The following ADAM10 variants were observed in gnomAD, a reference collection of about 807,000 sequenced individuals.
ADAM10 encodes the protein disintegrin and metalloproteinase domain-containing protein 10.
A neutral mutation model predicts 90.1 loss-of-function variants in ADAM10; 17 were observed. That is an observed-to-expected ratio of 0.19 (90% confidence interval 0.13 to 0.28). ADAM10 has a LOEUF of 0.28. ADAM10 is among the 10% of genes least tolerant of loss of function. ADAM10 has a pLI of 1.00. For synonymous variants in ADAM10, 310 were observed against 298.6 expected (o/e 1.04, Z -0.40); for missense variants, 610 against 914.3 (o/e 0.67, Z 4.29).
At position 58,713,860 on chromosome 15, in the gene ADAM10, T is replaced by C. The variant is rs563879474; in HGVS notation, c.206+3717A>G. Among the ~76,000 whole-genome samples the C allele has an allele frequency of 2.6e-5, 4 of 152,054 alleles. No homozygotes were observed. In the East Asian group the frequency reaches 7.7e-4, roughly 29 times the overall value. On this transcript the variant is annotated intron_variant, in intron 2 of 15. Coordinates refer to ENST00000260408, the MANE Select transcript of ADAM10 (RefSeq NM_001110.4). The stretch of plus-strand genomic sequence containing the variant: ...ATGAAGTCTTGCTCTGTCGCCAGGC[T>C]GGACTGCAGTGGCGTGATCTCGGCT...
chr15:58,620,500 T>C (rs1327566076), intron 11 of ADAM10, among the ~76,000 whole-genome samples: 7 of 151,770 alleles, frequency 4.6e-5, no homozygotes, highest in South Asian at 2.1e-4. Context: ...GTGCAAACAA[T>C]TGCTTACACT....
At chr15:58,621,857 C>T (rs536601206) in intron 10 of ADAM10, among the ~76,000 whole-genome samples, 1 of 152,204 alleles carries the variant, frequency 6.6e-6, no homozygotes, top group Admixed American at 6.5e-5. Flanking sequence ...GAGGATTTGA[C>T]AGAGGGTCCC....
intron 2 of ADAM10, among the ~76,000 whole-genome samples, chr15:58,702,746 A>T (rs1447047834): frequency 6.6e-6 from 1 of 152,246 alleles, no homozygotes; most frequent in Non-Finnish European, 1.5e-5. Flanking sequence ...TTAAAAATCA[A>T]ATTTAAATCA....
In ADAM10 at chr15:58,599,809, T is replaced by C. The variant is rs1439727715; in HGVS notation, c.2026-85A>G. 9.8e-6 allele frequency: 13 copies of C among 1,331,316 alleles called. No individual in the cohort carries two copies. In the East Asian group the frequency reaches 1.5e-4, roughly 15 times the overall value. The allele number at this position is 1,331,316 out of a possible 1,614,324, so 82.5% of individuals were successfully genotyped here. On this transcript the variant is annotated intron_variant, in intron 14 of 15. Coordinates refer to ENST00000260408, the MANE Select transcript of ADAM10 (RefSeq NM_001110.4). ...CTTTTACAGTATATAAAACATAGAA[T>C]AGAACACAGTATATTGTAATTTTTA...
At chr15:58,605,614 G>C (rs966328223) in intron 14 of ADAM10, among the ~76,000 whole-genome samples, 4 of 152,108 alleles carry the variant, frequency 2.6e-5, no homozygotes, top group Non-Finnish European at 5.9e-5. Flanking sequence ...TGAAAGAAAG[G>C]GGAGCTGTCA....
chr15:58,686,305 C>T, intron 2 of ADAM10: 1 of 594,226 alleles, frequency 1.7e-6, no homozygotes, highest in Non-Finnish European at 3.0e-6. Flanking sequence ...AGAAAAGCCA[C>T]TCCTTGGAAA....
intron 5 of ADAM10, among the ~76,000 whole-genome samples, chr15:58,656,171 C>T (rs1173619043): frequency 2.0e-5 from 3 of 152,068 alleles, no homozygotes; most frequent in African/African-American, 7.2e-5. Flanking sequence ...TATCTTTTTC[C>T]ACCATTTTAT....
At position 58,717,796 on chromosome 15, in the gene ADAM10, T is replaced by C. The variant is rs1595652033; in HGVS notation, c.56-69A>G. Reference sequence around the variant, plus strand: ...ACCCCTTCTAGTTCTAACACGATTATTCAAGTATCTATGAATATGTATGAA... The same window carrying C: ...ACCCCTTCTAGTTCTAACACGATTACTCAAGTATCTATGAATATGTATGAA... On this transcript the variant is annotated intron_variant, in intron 1 of 15. Transcript: ENST00000260408. 4 of 1,559,828 alleles carry C rather than the reference T, an allele frequency of 2.6e-6. No homozygotes were observed. The East Asian group carries it at 9.2e-5, about 36-fold the overall frequency.
chr15:58,689,822 C>T (rs1232322367), intron 2 of ADAM10, among the ~76,000 whole-genome samples: 1 of 151,538 alleles, frequency 6.6e-6, no homozygotes, highest in Non-Finnish European at 1.5e-5. Context: ...GGCCTTTCCA[C>T]AAGAAAAATA....
At chr15:58,639,770 A>G (rs1464869812) in intron 8 of ADAM10, among the ~76,000 whole-genome samples, 2 of 152,182 alleles carry the variant, frequency 1.3e-5, no homozygotes, top group Non-Finnish European at 2.9e-5. Context: ...AAAAAGGAGA[A>G]AGAAATACAA....
At chr15:58,709,696 C>T (rs1898412164) in intron 2 of ADAM10, among the ~76,000 whole-genome samples, 1 of 151,956 alleles carries the variant, frequency 6.6e-6, no homozygotes, top group African/African-American at 2.4e-5. Flanking sequence ...GACAAGATTG[C>T]ACCACTGCAC....
At chr15:58,633,995 T>C (rs949870114) in intron 8 of ADAM10, among the ~76,000 whole-genome samples, 9 of 150,228 alleles carry the variant, frequency 6.0e-5, no homozygotes, top group Admixed American at 5.9e-4. Flanking sequence ...CGACAAAAGG[T>C]TAATAATTGA....
At chr15:58,608,969 C>G (rs1424841550) in intron 14 of ADAM10, among the ~76,000 whole-genome samples, 2 of 151,474 alleles carry the variant, frequency 1.3e-5, no homozygotes, top group Non-Finnish European at 2.9e-5. Flanking sequence ...CTACAGCAGA[C>G]AAGTATACCA....
At chr15:58,666,978 A>G (rs1897094999) in intron 4 of ADAM10, among the ~76,000 whole-genome samples, 1 of 152,162 alleles carries the variant, frequency 6.6e-6, no homozygotes, top group Admixed American at 6.5e-5. Context: ...CACATTAACT[A>G]TAAAAATGGA....
At chr15:58,635,994 T>C (rs1896239892) in intron 8 of ADAM10, among the ~76,000 whole-genome samples, 1 of 152,130 alleles carries the variant, frequency 6.6e-6, no homozygotes. Flanking sequence ...AAGTTTAAAA[T>C]GGCCGGGCGC....
chr15:58,656,908 T>C (rs1199079547), intron 5 of ADAM10, among the ~76,000 whole-genome samples: 5 of 152,232 alleles, frequency 3.3e-5, no homozygotes, highest in African/African-American at 1.2e-4. Context: ...CTGTTTTTGT[T>C]TCTCTGGGAA....
intron 1 of ADAM10, among the ~76,000 whole-genome samples, chr15:58,725,779 GA>G (rs1349222534): frequency 1.4e-4 from 21 of 151,800 alleles, no homozygotes; most frequent in African/African-American, 4.8e-4. Context: ...AGTACTACAA[GA>G]AAAAAAGAAC....
intron 2 of ADAM10, chr15:58,691,316 T>C (rs1397207688): frequency 1.6e-6 from 2 of 1,226,850 alleles, no homozygotes; most frequent in Non-Finnish European, 2.4e-6. Context: ...TCCCATCAAA[T>C]TCCTTGAGCT....
In ADAM10 at chr15:58,599,725, C is replaced by A. The variant is rs1895057302; in HGVS notation, c.2026-1G>T. The A allele has an allele frequency of 6.2e-7, 1 of 1,605,918 alleles. No homozygotes were observed. On this transcript the variant is annotated splice_acceptor_variant, in intron 14 of 15. Transcript: ENST00000260408. LOFTEE classifies it high-confidence loss of function. The stretch of plus-strand genomic sequence containing the variant: ...TAAGTAATACTGCCCACCAATGAGC[C>A]TAGAAATAAACAGATTTTTCCACTG...
Sources: allele counts gnomAD v4.1 joint callset (sites outside exome capture counted in the v4.1 genomes callset), GRCh38; gene constraint gnomAD v4.1.1; transcripts MANE v1.5; gene names NCBI Gene and HGNC (gene_info 2026-07-23, HGNC 2026-07-21).